BICC1: variants seen among roughly 807,000 people sequenced by gnomAD.
BICC1 encodes protein bicaudal C homolog 1.
BICC1 carries 43 observed loss-of-function variants against 111.0 expected under a neutral mutation model. The observed-to-expected ratio is 0.39, with a 90% CI of 0.30 to 0.50. The LOEUF is 0.50. BICC1 is among the 20% of genes least tolerant of loss of function. BICC1 has a pLI of 0.88. For synonymous variants in BICC1, 467 were observed against 434.4 expected (o/e 1.07, Z -0.93); for missense variants, 1,091 against 1,203.2 (o/e 0.91, Z 1.38).
At chr10:58,737,563 G>A (rs960000359) in intron 3 of BICC1, among the ~76,000 whole-genome samples, 4 of 152,212 alleles carry the variant, frequency 2.6e-5, no homozygotes, top group African/African-American at 9.7e-5. Context: ...AAACATAGGT[G>A]TGCATGTGTC....
At chr10:58,539,872 C>T (rs1451187828) in intron 1 of BICC1, among the ~76,000 whole-genome samples, 2 of 151,870 alleles carry the variant, frequency 1.3e-5, no homozygotes, top group East Asian at 3.9e-4. Context: ...CAGGATATAT[C>T]ACATGGTAGG....
Position 58,703,334 on chromosome 10 carries a change from A to G in BICC1, c.307+1191A>G, listed in dbSNP as rs532001556. On this transcript the variant is annotated intron_variant, in intron 3 of 20. Transcript: ENST00000373886. ...ACCACCATGCTTGGGTAATGTTTGC[A>G]TTTTTTGTAGAGATGGAGTTTCACT... 2.2e-3 allele frequency among the ~76,000 whole-genome samples: 340 copies of G among 151,528 alleles called. 3 individuals carry two copies. The highest frequency in any genetic ancestry group is 0.017 in the South Asian group (82 of 4,774).
chr10:58,636,959 G>C (rs12766588), intron 2 of BICC1, among the ~76,000 whole-genome samples: 21,656 of 151,718 alleles, frequency 0.14, 1,583 homozygotes, highest in Middle Eastern at 0.24. Context: ...TGGCTGGGGG[G>C]AAGGCTGTGT....
At chr10:58,649,797 CTGT>C (rs1838386398) in intron 2 of BICC1, among the ~76,000 whole-genome samples, 1 of 152,086 alleles carries the variant, frequency 6.6e-6, no homozygotes, top group Non-Finnish European at 1.5e-5. Context: ...ATAGGTTCTA[CTGT>C]TGTTCTTTTG....
chr10:58,689,059 A>G (rs1839838169), intron 2 of BICC1, among the ~76,000 whole-genome samples: 1 of 152,158 alleles, frequency 6.6e-6, no homozygotes, highest in South Asian at 2.1e-4. Context: ...ACAAGAAAAC[A>G]TGTATTAAGA....
chr10:58,756,349 G>A (rs1842144275), intron 3 of BICC1, among the ~76,000 whole-genome samples: 1 of 152,146 alleles, frequency 6.6e-6, no homozygotes, highest in South Asian at 2.1e-4. Context: ...TCGCTGTTTT[G>A]TGATTTTGTG....
intron 3 of BICC1, among the ~76,000 whole-genome samples, chr10:58,783,492 A>G (rs1842933822): frequency 6.6e-6 from 1 of 152,064 alleles, no homozygotes; most frequent in Admixed American, 6.6e-5. Context: ...GGGAGATCAC[A>G]GTGTCAGGGG....
chr10:58,780,781 T>C (rs1705909272), intron 3 of BICC1, among the ~76,000 whole-genome samples: 1 of 152,170 alleles, frequency 6.6e-6, no homozygotes. Context: ...CATTAAGTCA[T>C]AAAAACATTC....
chr10:58,710,292 GC>G (rs1417488821), intron 3 of BICC1, among the ~76,000 whole-genome samples: 1 of 152,118 alleles, frequency 6.6e-6, no homozygotes, highest in Non-Finnish European at 1.5e-5. Flanking sequence ...GTACTCAAAT[GC>G]CCTTTCACAC....
At chr10:58,808,263 A>G (rs1295820767) in intron 17 of BICC1, among the ~76,000 whole-genome samples, 1 of 152,164 alleles carries the variant, frequency 6.6e-6, no homozygotes, top group East Asian at 1.9e-4. Flanking sequence ...TCTAGGAGGT[A>G]CACTCTTCTT....
At position 58,513,263 on chromosome 10, in the gene BICC1, C is replaced by G; in HGVS notation, c.120C>G (p.Thr40=). ...GSEDDLVAGA[T]LHSPEWSEER... is the part of the protein sequence containing the mutation. ...AGGACGACTTGGTCGCCGGGGCGAC[C>G]CTGCACAGCCCGGAGTGGAGCGAGG... The change falls in exon 1 of 21, where the codon ACC becomes ACG. Residue 40 remains threonine, a synonymous_variant. Coordinates refer to ENST00000373886, the MANE Select transcript of BICC1 (RefSeq NM_001080512.3). 1 of 1,613,164 alleles carries G rather than the reference C, an allele frequency of 6.2e-7. No individual in the cohort carries two copies. The highest frequency in any genetic ancestry group is 1.1e-5 in the South Asian group (1 of 90,990).
At chr10:58,539,876 T>C (rs530021304) in intron 1 of BICC1, among the ~76,000 whole-genome samples, 1 of 152,030 alleles carries the variant, frequency 6.6e-6, no homozygotes, top group Non-Finnish European at 1.5e-5. Flanking sequence ...ATATATCACA[T>C]GGTAGGCCAC....
chr10:58,815,228 T>C (rs1242078812), intron 18 of BICC1, among the ~76,000 whole-genome samples: 1 of 152,198 alleles, frequency 6.6e-6, no homozygotes, highest in Non-Finnish European at 1.5e-5. Flanking sequence ...TTACTATCAC[T>C]CATGTCAGCT....
chr10:58,639,661 C>T (rs1255304339), intron 2 of BICC1, among the ~76,000 whole-genome samples: 1 of 148,388 alleles, frequency 6.7e-6, no homozygotes, highest in Non-Finnish European at 1.5e-5. Flanking sequence ...AGGTGATCCA[C>T]CTGCCTTGAC....
rs1277206728 is a variant in BICC1 at position 58,793,588 on chromosome 10, T to G, written c.1152T>G (p.Ile384Met). 2 of 1,613,936 alleles carry G rather than the reference T, an allele frequency of 1.2e-6. No homozygotes were observed. Among genetic ancestry groups the G allele is most frequent in the Non-Finnish European group, 1.7e-6 (2 of 1,179,918 alleles). The change falls in exon 9 of 21, where the codon ATT becomes ATG. Residue 384 changes from isoleucine (I) to methionine (M), a missense_variant. Ile to Met is a conservative substitution (Grantham distance 10). Around this residue, in one of 3 missense-constraint regions of BICC1, gnomAD observed 843 missense variants for 900.8 expected, o/e 0.94. Transcript: ENST00000373886. The stretch of plus-strand genomic sequence containing the variant: ...AACAGCTTGATGTCTTCATCAGTAT[T>G]AAACCAAAGCCCAAACAGCCAAGCA... ...LMEQLDVFISIKPKPKQPSKS... is the reference protein window; with the variant it reads ...LMEQLDVFISMKPKPKQPSKS...
chr10:58,659,861 A>G (rs1838783650), intron 2 of BICC1, among the ~76,000 whole-genome samples: 2 of 152,290 alleles, frequency 1.3e-5, no homozygotes, highest in African/African-American at 4.8e-5. Flanking sequence ...AAGAAGGTAA[A>G]AATATATTAT....
intron 11 of BICC1, 86 bp from the exon 12 acceptor site, chr10:58,798,970 C>A (rs1843448268): frequency 1.9e-6 from 2 of 1,080,316 alleles, no homozygotes; most frequent in East Asian, 2.6e-5. Flanking sequence ...CTTGCAGCAA[C>A]AAAAATGATA....
intron 2 of BICC1, among the ~76,000 whole-genome samples, chr10:58,634,840 ATAATC>A (rs1276382845): frequency 6.6e-6 from 1 of 152,236 alleles, no homozygotes; most frequent in Admixed American, 6.5e-5. Flanking sequence ...TATTCTTACA[ATAATC>A]TAGAGAAAAT....
At chr10:58,595,636 G>A (rs1844787422) in intron 1 of BICC1, among the ~76,000 whole-genome samples, 1 of 152,072 alleles carries the variant, frequency 6.6e-6, no homozygotes, top group Non-Finnish European at 1.5e-5. Context: ...AACGAAATTA[G>A]GCAGAAATAA....
Sources: gnomAD v4.1 joint callset for allele counts (sites outside exome capture counted in the v4.1 genomes callset) on GRCh38, gnomAD v4.1.1 for gene constraint, gnomAD v4.1.1 regional missense constraint, MANE v1.5 for transcripts, NCBI Gene and HGNC (gene_info 2026-07-23, HGNC 2026-07-21) for gene names.